Variants in TSPEAR observed in about 807,000 individuals in gnomAD.
TSPEAR encodes the protein thrombospondin type laminin G domain and EAR repeats.
Under a neutral mutation model 71.6 loss-of-function variants are expected in TSPEAR, and 69 were observed. The ratio of observed to expected loss-of-function variants is 0.96; its 90% CI spans 0.79 to 1.18. TSPEAR has a LOEUF of 1.18. Ranked by LOEUF, TSPEAR falls within the 50% of genes most tolerant of loss-of-function variation. TSPEAR has a pLI of 0.00. For missense variants in TSPEAR, 971 were observed against 894.9 expected (o/e 1.09, Z -1.09); for synonymous variants, 402 against 387.2 (o/e 1.04, Z -0.45).
intron 2 of TSPEAR, chr21:44,558,184 A>T: frequency 6.5e-7 from 1 of 1,548,494 alleles, no homozygotes; most frequent in Non-Finnish European, 8.8e-7. Context: ...GCAGGGGCAC[A>T]GCAGGAGGGG....
intron 1 of TSPEAR, chr21:44,574,918 G>T: frequency 2.5e-6 from 4 of 1,612,310 alleles, no homozygotes; most frequent in Non-Finnish European, 3.4e-6. Flanking sequence ...ACCTCCTCCT[G>T]CCAACCCAGC....
Position 44,506,297 on chromosome 21 carries a change from T to G in TSPEAR, c.1755-1416A>C, listed in dbSNP as rs1045583912. ...GAGCCCACCTGCCGAGCTGTCAGCG[T>G]CAGCCCCACATCTCAAGATGAGGAA... On this transcript the variant is annotated intron_variant, in intron 10 of 11. Transcript: ENST00000323084. The surrounding 1 kb of genome is among the most constrained non-coding windows in gnomAD (Gnocchi z 4.2). 6.6e-6 allele frequency among the ~76,000 whole-genome samples: 1 copy of G among 152,260 alleles called. No individual in the cohort carries two copies. Among genetic ancestry groups the G allele is most frequent in the African/African-American group, 2.4e-5 (1 of 41,470 alleles).
intron 2 of TSPEAR, among the ~76,000 whole-genome samples, chr21:44,547,992 C>T (rs1555917914): frequency 6.6e-6 from 1 of 152,236 alleles, no homozygotes; most frequent in East Asian, 1.9e-4. Context: ...AGCATGTCAT[C>T]TTCCAGCTTT....
intron 1 of TSPEAR, among the ~76,000 whole-genome samples, chr21:44,599,917 G>A (rs1457930324): frequency 6.6e-6 from 1 of 152,166 alleles, no homozygotes; most frequent in Non-Finnish European, 1.5e-5. Flanking sequence ...TGCAGTGCTT[G>A]GGATAAAACC....
intron 1 of TSPEAR, among the ~76,000 whole-genome samples, chr21:44,592,931 C>T (rs1312027982): frequency 6.6e-6 from 1 of 152,196 alleles, no homozygotes; most frequent in Non-Finnish European, 1.5e-5. Context: ...TGAGGGACAA[C>T]CTGGGGCCCA....
chr21:44,656,556 C>A (rs781810311), intron 1 of TSPEAR, among the ~76,000 whole-genome samples: 1 of 152,164 alleles, frequency 6.6e-6, no homozygotes, highest in African/African-American at 2.4e-5. Context: ...CTTGCAAGAA[C>A]CTTATACCTT....
chr21:44,683,507 A>T (rs1986712320), intron 1 of TSPEAR, among the ~76,000 whole-genome samples: 1 of 151,268 alleles, frequency 6.6e-6, no homozygotes, highest in Non-Finnish European at 1.5e-5. Flanking sequence ...CTCTACAAAA[A>T]AATGGTTAAA....
chr21:44,562,994 CT>C (rs1413544168), intron 2 of TSPEAR, among the ~76,000 whole-genome samples: 3 of 152,150 alleles, frequency 2.0e-5, no homozygotes, highest in Non-Finnish European at 4.4e-5. Context: ...CCTTTATTCT[CT>C]TAACTGATTT....
intron 1 of TSPEAR, among the ~76,000 whole-genome samples, chr21:44,576,188 G>T (rs782684193): frequency 7.2e-5 from 11 of 152,228 alleles, no homozygotes; most frequent in Non-Finnish European, 1.3e-4. Flanking sequence ...GAACTCAGCC[G>T]CAGTGGAGGT....
intron 1 of TSPEAR, among the ~76,000 whole-genome samples, chr21:44,652,856 T>C (rs1004071145): frequency 1.8e-4 from 27 of 152,038 alleles, no homozygotes; most frequent in African/African-American, 6.0e-4. Flanking sequence ...AAATATAGGG[T>C]TAAAATGTAG....
intron 11 of TSPEAR, among the ~76,000 whole-genome samples, chr21:44,503,766 G>C (rs587670101): frequency 6.4e-5 from 8 of 124,926 alleles, no homozygotes; most frequent in South Asian, 2.7e-4. Flanking sequence ...GAGCCCTCGG[G>C]GGGAAGCAAG....
intron 1 of TSPEAR, among the ~76,000 whole-genome samples, chr21:44,618,658 A>G (rs1555932978): frequency 1.3e-5 from 2 of 152,186 alleles, no homozygotes. Flanking sequence ...TGCTGCTGCC[A>G]GGGAAGCAGA....
In TSPEAR at chr21:44,498,843, T is replaced by C. The variant is rs1048557511; in HGVS notation, c.*940A>G. ...GGGGGTGGTTTCTCTGGCACCTACATGGGTTAAGAGGGAGGACCCCTGGGG... is the reference window on the plus strand; with the variant it reads ...GGGGGTGGTTTCTCTGGCACCTACACGGGTTAAGAGGGAGGACCCCTGGGG... On this transcript the variant is annotated 3_prime_UTR_variant, in exon 12 of 12. Transcript: ENST00000323084. 1.3e-5 allele frequency: 2 copies of C among 152,332 alleles called. No individual in the cohort carries two copies. Among genetic ancestry groups the C allele is most frequent in the East Asian group, 3.9e-4 (2 of 5,194 alleles). 9.4% of individuals were successfully genotyped at this position (152,332 alleles called of 1,614,324 possible).
chr21:44,596,627 G>A (rs1174824622), intron 1 of TSPEAR, among the ~76,000 whole-genome samples: 2 of 152,242 alleles, frequency 1.3e-5, no homozygotes, highest in African/African-American at 4.8e-5. Context: ...CCAGCAGCAA[G>A]TCATCTGGGT....
At chr21:44,580,512 G>C (rs782470394) in intron 1 of TSPEAR, 1 of 1,613,588 alleles carries the variant, frequency 6.2e-7, no homozygotes, top group Non-Finnish European at 8.5e-7. Context: ...CAGCTCTCTG[G>C]GCAGTCGTCC....
In TSPEAR at chr21:44,521,929, A is replaced by C; in HGVS notation, c.1520T>G (p.Leu507Arg). The C allele has an allele frequency of 6.2e-7, 1 of 1,614,016 alleles. No individual in the cohort carries two copies. Among genetic ancestry groups the C allele is most frequent in the Non-Finnish European group, 8.5e-7 (1 of 1,179,978 alleles). The change falls in exon 9 of 12, where the codon CTC (leucine) becomes CGC (arginine). Residue 507 changes from leucine (L) to arginine (R), a missense_variant. Physicochemically the swap from Leu to Arg is moderately radical, Grantham distance 102 (BLOSUM62 -2). Coordinates refer to ENST00000323084, the MANE Select transcript of TSPEAR (RefSeq NM_144991.3). ...NGTSTKVHSHLYIRLLGSFQL... is the reference protein window; with the variant it reads ...NGTSTKVHSHRYIRLLGSFQL... ...GAAGGAGCCCAGGAGTCGGATGTAG[A>C]GGTGCGAGTGCACCTTGGTGGAGGT...
chr21:44,612,592 C>T lies in TSPEAR; in HGVS notation c.83-44587G>A, dbSNP rs782157754. On this transcript the variant is annotated intron_variant, in intron 1 of 11. Transcript: ENST00000323084. The surrounding 1 kb of genome is among the most constrained non-coding windows in gnomAD (Gnocchi z 4.1). Reference sequence around the variant, plus strand: ...GCACCTTCTCCCCATGCCAACAGGCCTGCTGTGTGCCCATCTGCTGCAAGC... The same window carrying T: ...GCACCTTCTCCCCATGCCAACAGGCTTGCTGTGTGCCCATCTGCTGCAAGC... The T allele has an allele frequency of 1.2e-6, 2 of 1,614,154 alleles. No individual in the cohort carries two copies. The highest frequency in any genetic ancestry group is 2.7e-5 in the African/African-American group (2 of 75,024).
intron 1 of TSPEAR, chr21:44,628,144 C>T: frequency 6.3e-6 from 9 of 1,438,884 alleles, no homozygotes; most frequent in Non-Finnish European, 8.5e-6. Context: ...CAGCTCAACA[C>T]AGAAGGAGCA....
intron 1 of TSPEAR, chr21:44,654,667 G>A: frequency 1.6e-6 from 2 of 1,279,380 alleles, no homozygotes; most frequent in Non-Finnish European, 2.1e-6. Flanking sequence ...TCTGGAGCCT[G>A]CTTCCTTAGG....
Sources: gnomAD v4.1 joint callset for allele counts (sites outside exome capture counted in the v4.1 genomes callset) on GRCh38, gnomAD v4.1.1 for gene constraint, Gnocchi (gnomAD v3.1) non-coding constraint, MANE v1.5 for transcripts, NCBI Gene and HGNC (gene_info 2026-07-23, HGNC 2026-07-21) for gene names.